HNF4A: variants seen among roughly 807,000 people sequenced by gnomAD.
HNF4A encodes the protein hepatocyte nuclear factor 4 alpha.
Under a neutral mutation model 52.4 loss-of-function variants are expected in HNF4A, and 15 were observed. The ratio of observed to expected loss-of-function variants is 0.29; its 90% CI spans 0.19 to 0.44. The LOEUF is 0.44. Ranked by LOEUF, HNF4A falls within the 20% of genes least tolerant of loss-of-function variation. HNF4A has a pLI of 1.00. For missense variants in HNF4A, 479 were observed against 647.2 expected, an observed-to-expected ratio of 0.74 and a Z score of 2.82; for synonymous variants, 280 against 264.4, an observed-to-expected ratio of 1.06 and a Z score of -0.57.
intron 1 of HNF4A, among the ~76,000 whole-genome samples, chr20:44,404,133 G>C (rs2063449112): frequency 6.6e-6 from 1 of 152,180 alleles, no homozygotes; most frequent in Non-Finnish European, 1.5e-5. Context: ...TCTGCTCCGA[G>C]AGTTTTCCTA....
chr20:44,365,537 G>T (rs1288411291), intron 1 of HNF4A, among the ~76,000 whole-genome samples: 1 of 152,084 alleles, frequency 6.6e-6, no homozygotes, highest in Non-Finnish European at 1.5e-5. Flanking sequence ...TAGCAATAAA[G>T]CAAATGTGAC....
chr20:44,407,860 A>G (rs948856628), intron 3 of HNF4A, among the ~76,000 whole-genome samples: 2 of 151,882 alleles, frequency 1.3e-5, no homozygotes, highest in Non-Finnish European at 1.5e-5. Context: ...AGTACTCACT[A>G]TCCCAACTTT....
intron 1 of HNF4A, among the ~76,000 whole-genome samples, chr20:44,364,281 A>T (rs750335372): frequency 5.3e-5 from 8 of 152,028 alleles, no homozygotes; most frequent in Non-Finnish European, 1.0e-4. Flanking sequence ...GGCTCAAGCA[A>T]TCCTCCCGCC....
intron 7 of HNF4A, among the ~76,000 whole-genome samples, chr20:44,420,501 C>A (rs751847919): frequency 6.6e-6 from 1 of 152,160 alleles, no homozygotes; most frequent in African/African-American, 2.4e-5. Flanking sequence ...TATCTAGAAC[C>A]GGATGTGGTG....
At chr20:44,370,465 A>T (rs929145877) in intron 1 of HNF4A, among the ~76,000 whole-genome samples, 1 of 152,180 alleles carries the variant, frequency 6.6e-6, no homozygotes, top group African/African-American at 2.4e-5. Context: ...TCAGGGCCTT[A>T]GTTCAAATGT....
At chr20:44,392,671 A>G (rs1211644208) in intron 1 of HNF4A, among the ~76,000 whole-genome samples, 1 of 152,138 alleles carries the variant, frequency 6.6e-6, no homozygotes, top group African/African-American at 2.4e-5. Context: ...AAGGTTTCAG[A>G]TGATTCTATT....
chr20:44,427,446 C>G (rs192726352), intron 8 of HNF4A, among the ~76,000 whole-genome samples: 1 of 152,266 alleles, frequency 6.6e-6, no homozygotes, highest in Non-Finnish European at 1.5e-5. Context: ...GTACCTGGCA[C>G]GTGATAATTG....
intron 1 of HNF4A, among the ~76,000 whole-genome samples, chr20:44,368,766 CAA>C (rs2062999835): frequency 6.6e-6 from 1 of 152,134 alleles, no homozygotes; most frequent in African/African-American, 2.4e-5. Context: ...CACATACAGA[CAA>C]AGTCAGCTGT....
Position 44,429,511 on chromosome 20 carries a change from T to C in HNF4A, c.1283-12T>C, listed in dbSNP as rs2063851081. ...TTTTGAGCAGCCCCTGTCTGTCTGT[T>C]TGTCCTTCCAGCCACCCCTGAGACC... On this transcript the variant is annotated splice_polypyrimidine_tract_variant and intron_variant, in intron 9 of 9. Transcript: ENST00000316099. 1.9e-6 allele frequency: 3 copies of C among 1,613,990 alleles called. No homozygotes were observed. The highest frequency in any genetic ancestry group is 4.5e-5 in the East Asian group (2 of 44,854).
upstream of HNF4A, among the ~76,000 whole-genome samples, chr20:44,400,741 G>A (rs140640376): frequency 9.2e-5 from 14 of 152,300 alleles, no homozygotes; most frequent in East Asian, 3.9e-4. Context: ...CAGGGGAACC[G>A]GGAAACTGCG....
At chr20:44,412,626 A>T (rs1172107337) in intron 3 of HNF4A, among the ~76,000 whole-genome samples, 1 of 152,082 alleles carries the variant, frequency 6.6e-6, no homozygotes, top group African/African-American at 2.4e-5. Context: ...TCTGTCTCTG[A>T]GAGGAACACA....
At chr20:44,358,720 G>A (rs2062886604) in intron 1 of HNF4A, among the ~76,000 whole-genome samples, 3 of 152,208 alleles carry the variant, frequency 2.0e-5, no homozygotes, top group Admixed American at 6.5e-5. Context: ...TAGTAGAGGT[G>A]CATTGGTGGG....
chr20:44,424,383 G>A, intron 8 of HNF4A, 129 bp downstream of exon 8: 1 of 1,474,794 alleles, frequency 6.8e-7, no homozygotes, highest in Non-Finnish European at 9.3e-7. Context: ...TGCTTAACCT[G>A]TCTGTGCCTC....
chr20:44,386,356 G>T (rs1028622674), intron 1 of HNF4A, among the ~76,000 whole-genome samples: 2 of 150,240 alleles, frequency 1.3e-5, no homozygotes, highest in Non-Finnish European at 3.0e-5. Flanking sequence ...TAGTAGAGAC[G>T]AGGTCTCACC....
intron 1 of HNF4A, among the ~76,000 whole-genome samples, chr20:44,383,428 C>T (rs1332110753): frequency 6.6e-6 from 1 of 152,146 alleles, no homozygotes. Flanking sequence ...AGAATTTAAG[C>T]CCAGGATGTC....
chr20:44,409,190 T>C (rs2063546287), intron 3 of HNF4A, among the ~76,000 whole-genome samples: 1 of 152,146 alleles, frequency 6.6e-6, no homozygotes, highest in South Asian at 2.1e-4. Flanking sequence ...CATCTAGATA[T>C]CAGTGGTTCT....
intron 1 of HNF4A, among the ~76,000 whole-genome samples, chr20:44,401,721 C>T (rs937169734): frequency 6.6e-6 from 1 of 152,248 alleles, no homozygotes; most frequent in African/African-American, 2.4e-5. Context: ...AAAAGTCGAT[C>T]CCGGCTATTC....
At chr20:44,434,522 G>GGGC (rs68130562), downstream of HNF4A, 5 of 149,416 alleles carry the variant, frequency 3.3e-5, no homozygotes, top group African/African-American at 7.7e-5. Context: ...CAAGCGCGGG[G>GGGC]GGGGGGGGGT....
chr20:44,414,561 A>G lies in HNF4A; in HGVS notation c.547A>G (p.Ser183Gly), dbSNP rs779555087. The change falls in exon 5 of 10, where the codon AGC (serine) becomes GGC (glycine). Residue 183 changes from serine (S) to glycine (G), a missense_variant. By Grantham distance (56) the Ser-to-Gly change is moderately conservative (BLOSUM62 0). Coordinates refer to ENST00000316099, the MANE Select transcript of HNF4A (RefSeq NM_000457.6). ...CGACATTCGGGCGAAGAAGATTGCCAGCATCGCAGATGTGTGTGAGTCCAT... is the reference window on the plus strand; with the variant it reads ...CGACATTCGGGCGAAGAAGATTGCCGGCATCGCAGATGTGTGTGAGTCCAT... The G allele has an allele frequency of 1.2e-5, 20 of 1,614,128 alleles. No individual in the cohort carries two copies. The highest frequency in any genetic ancestry group is 1.7e-5 in the Admixed American group (1 of 60,014).
Sources: allele counts gnomAD v4.1 joint callset (sites outside exome capture counted in the v4.1 genomes callset), GRCh38; gene constraint gnomAD v4.1.1; transcripts MANE v1.5; gene names NCBI Gene and HGNC (gene_info 2026-07-23, HGNC 2026-07-21).